VDAC1: variants seen among roughly 807,000 people sequenced by gnomAD.
The protein encoded by VDAC1 is voltage dependent anion channel 1, also known as non-selective voltage-gated ion channel VDAC1.
VDAC1 carries 10 observed loss-of-function variants against 34.7 expected under a neutral mutation model. That is an observed-to-expected ratio of 0.29 (90% CI 0.18 to 0.49). VDAC1 has a LOEUF of 0.49. Among genes scored for constraint, VDAC1 ranks in the 20% least tolerant of loss-of-function variants. The pLI, the probability that VDAC1 is intolerant of heterozygous loss-of-function variation, is 0.99. For synonymous variants in VDAC1, 130 were observed against 136.0 expected, an observed-to-expected ratio of 0.96 and a Z score of 0.30; for missense variants, 230 against 347.9, an observed-to-expected ratio of 0.66 and a Z score of 2.69.
intron 5 of VDAC1, among the ~76,000 whole-genome samples, chr5:133,986,647 A>C (rs777655466): frequency 3.9e-5 from 6 of 152,102 alleles, no homozygotes; most frequent in Non-Finnish European, 5.9e-5. Context: ...CAGCATTCCA[A>C]AGTGCTGGGA....
chr5:134,072,058 G>C, the VDAC1 span, among the ~76,000 whole-genome samples: 1 of 152,256 alleles, frequency 6.6e-6, no homozygotes. Flanking sequence ...ATGCAAAGGG[G>C]TTCTCAAGTA....
At chr5:134,023,190 G>A in the VDAC1 span, among the ~76,000 whole-genome samples, 1 of 152,010 alleles carries the variant, frequency 6.6e-6, no homozygotes, top group Non-Finnish European at 1.5e-5. Flanking sequence ...ATGGATGAAG[G>A]TGGAAGCCAT....
intron 1 of VDAC1, among the ~76,000 whole-genome samples, chr5:133,994,373 C>G (rs2126987117): frequency 6.6e-6 from 1 of 152,342 alleles, no homozygotes; most frequent in Non-Finnish European, 1.5e-5. Flanking sequence ...AGAGCACAGA[C>G]AGAAGAGCAG....
chr5:134,058,942 TG>T, the VDAC1 span, among the ~76,000 whole-genome samples: 1 of 152,138 alleles, frequency 6.6e-6, no homozygotes, highest in Non-Finnish European at 1.5e-5. Context: ...CCATCAAGGG[TG>T]GGCTTTACAA....
At chr5:134,026,041 G>A in the VDAC1 span, among the ~76,000 whole-genome samples, 133 of 152,152 alleles carry the variant, frequency 8.7e-4, no homozygotes, top group African/African-American at 3.1e-3. Context: ...GTCTGGCCAC[G>A]GGGAGTCATT....
the VDAC1 span, among the ~76,000 whole-genome samples, chr5:134,069,200 A>ATC: frequency 6.6e-6 from 1 of 152,144 alleles, no homozygotes; most frequent in South Asian, 2.1e-4. Flanking sequence ...AGAAACAAAA[A>ATC]CTTCAAAGGA....
At chr5:134,080,553 C>CAGTACCACGGGCAGGTTAAGTCACG in the VDAC1 span, among the ~76,000 whole-genome samples, 1 of 43,564 alleles carries the variant, frequency 2.3e-5, no homozygotes, top group African/African-American at 7.5e-5. Context: ...GTTAAGTCAC[C>CAGTACCACGGGCAGGTTAAGTCACG]GAGGTACCAT....
At chr5:133,999,001 G>A (rs911534828) in intron 1 of VDAC1, among the ~76,000 whole-genome samples, 6 of 152,108 alleles carry the variant, frequency 3.9e-5, no homozygotes, top group African/African-American at 1.4e-4. Context: ...CTTCTCTGCA[G>A]AGGCTCCCTC....
the VDAC1 span, among the ~76,000 whole-genome samples, chr5:134,051,702 T>C: frequency 6.6e-6 from 1 of 151,220 alleles, no homozygotes; most frequent in South Asian, 2.1e-4. Context: ...TTTGTTTTTG[T>C]TTTTTTGTTT....
At chr5:134,067,954 C>T in the VDAC1 span, among the ~76,000 whole-genome samples, 1 of 151,994 alleles carries the variant, frequency 6.6e-6, no homozygotes, top group Non-Finnish European at 1.5e-5. Flanking sequence ...CCTGTCTCTA[C>T]TGAAAATAAA....
the VDAC1 span, among the ~76,000 whole-genome samples, chr5:134,099,223 A>T: frequency 6.6e-6 from 1 of 152,112 alleles, no homozygotes; most frequent in African/African-American, 2.4e-5. Context: ...GATTTAGGCC[A>T]TCAAAAAAAG....
the VDAC1 span, among the ~76,000 whole-genome samples, chr5:134,045,991 CT>C: frequency 0.62 from 89,229 of 143,820 alleles, 29,117 homozygotes; most frequent in Admixed American, 0.74. Context: ...GGCAATTCTT[CT>C]TTTTTTTTTT....
the VDAC1 span, among the ~76,000 whole-genome samples, chr5:134,074,251 G>T: frequency 6.6e-6 from 1 of 151,736 alleles, no homozygotes; most frequent in Non-Finnish European, 1.5e-5. Context: ...GGCAGAGCTC[G>T]CAGTGAGCCA....
chr5:134,084,250 A>T, the VDAC1 span, among the ~76,000 whole-genome samples: 1 of 152,092 alleles, frequency 6.6e-6, no homozygotes, highest in Non-Finnish European at 1.5e-5. Flanking sequence ...CACAGAGGGG[A>T]GGTGCCGAGG....
intron 1 of VDAC1, 93 bp from the exon 2 acceptor site, chr5:133,993,111 T>A: frequency 7.6e-7 from 1 of 1,316,944 alleles, no homozygotes; most frequent in Non-Finnish European, 1.0e-6. Flanking sequence ...TAGCAACCAA[T>A]AAAAATCACC....
chr5:133,987,562 C>T (rs1025337250), intron 5 of VDAC1, among the ~76,000 whole-genome samples: 3 of 152,136 alleles, frequency 2.0e-5, no homozygotes, highest in Admixed American at 6.5e-5. Context: ...CCTGTGGTCC[C>T]AGCTACTTGG....
chr5:134,058,095 C>T, the VDAC1 span, among the ~76,000 whole-genome samples: 1 of 151,876 alleles, frequency 6.6e-6, no homozygotes. Context: ...GGGGCTTCAC[C>T]ATGTTGACCA....
chr5:133,985,144 C>A (rs1181063509), intron 5 of VDAC1, among the ~76,000 whole-genome samples: 1 of 152,092 alleles, frequency 6.6e-6, no homozygotes, highest in Admixed American at 6.6e-5. Context: ...ATTTGTAAGT[C>A]TCTATTAAAT....
chr5:134,110,076 T>G, the VDAC1 span, among the ~76,000 whole-genome samples: 1 of 152,156 alleles, frequency 6.6e-6, no homozygotes, highest in African/African-American at 2.4e-5. Context: ...CCAAACCCAT[T>G]CATCAGGAAC....
Sources: gnomAD v4.1 joint callset for allele counts (sites outside exome capture counted in the v4.1 genomes callset) on GRCh38, gnomAD v4.1.1 for gene constraint, MANE v1.5 for transcripts, NCBI Gene and HGNC (gene_info 2026-07-23, HGNC 2026-07-21) for gene names.